The following FBN1 variants were observed in gnomAD, a reference collection of about 807,000 sequenced individuals.
FBN1 encodes the protein fibrillin 1.
Under a neutral mutation model 365.1 loss-of-function variants are expected in FBN1, and 29 were observed. The ratio of observed to expected loss-of-function variants is 0.08; its 90% CI spans 0.06 to 0.11. The LOEUF is 0.11. Among genes scored for constraint, FBN1 ranks in the 10% least tolerant of loss-of-function variants. The pLI is 1.00. For synonymous variants in FBN1, 1,210 were observed against 1,270.5 expected, an observed-to-expected ratio of 0.95 and a Z score of 1.01; for missense variants, 2,476 against 3,703.2, an observed-to-expected ratio of 0.67 and a Z score of 8.60.
At chr15:48,428,943 T>C (rs1343734693) in intron 56 of FBN1, among the ~76,000 whole-genome samples, 1 of 152,202 alleles carries the variant, frequency 6.6e-6, no homozygotes, top group Non-Finnish European at 1.5e-5. Flanking sequence ...AAGCAACCAA[T>C]TCTGGGGCCG....
chr15:48,551,713 C>G (rs2141373836), intron 6 of FBN1, among the ~76,000 whole-genome samples: 1 of 152,212 alleles, frequency 6.6e-6, no homozygotes, highest in South Asian at 2.1e-4. Context: ...CTATTCTCCT[C>G]TATGCGTCCA....
chr15:48,535,416 A>G (rs568322530), intron 7 of FBN1, among the ~76,000 whole-genome samples: 1 of 152,348 alleles, frequency 6.6e-6, no homozygotes, highest in East Asian at 1.9e-4. Flanking sequence ...GTAAGCCCAA[A>G]TATTAACCTT....
intron 29 of FBN1, 150 bp from the exon 30 acceptor site, chr15:48,485,646 A>G: frequency 1.2e-6 from 1 of 838,556 alleles, no homozygotes; most frequent in South Asian, 1.5e-5. Flanking sequence ...CTCTACCCTC[A>G]TGGTGGGATC....
intron 6 of FBN1, among the ~76,000 whole-genome samples, chr15:48,543,428 C>A (rs777209821): frequency 1.3e-5 from 2 of 152,124 alleles, no homozygotes; most frequent in Admixed American, 1.3e-4. Context: ...TCACGGAGAT[C>A]GTCTGAAATT....
chr15:48,641,740 A>G (rs1207111164), intron 2 of FBN1: 1 of 152,214 alleles, frequency 6.6e-6, no homozygotes. Context: ...TAACAGACAA[A>G]AACAGAAATT....
chr15:48,444,755 A>C, intron 48 of FBN1, 95 bp from the exon 49 acceptor site: 2 of 1,346,210 alleles, frequency 1.5e-6, no homozygotes, highest in East Asian at 2.3e-5. Context: ...AATCAAAGAA[A>C]TACATAAAGC....
chr15:48,524,061 G>C (rs1223084937), intron 9 of FBN1, among the ~76,000 whole-genome samples: 4 of 152,182 alleles, frequency 2.6e-5, no homozygotes, highest in Non-Finnish European at 5.9e-5. Context: ...TGTACAACCA[G>C]GAGTTAGGAG....
At chr15:48,476,066 C>A (rs1186177520) in intron 32 of FBN1, among the ~76,000 whole-genome samples, 3 of 152,174 alleles carry the variant, frequency 2.0e-5, no homozygotes, top group Non-Finnish European at 2.9e-5. Flanking sequence ...GAGCTTTAAC[C>A]AGCTAAATAA....
At chr15:48,485,125 T>C (rs2043494483) in intron 30 of FBN1, among the ~76,000 whole-genome samples, 1 of 152,248 alleles carries the variant, frequency 6.6e-6, no homozygotes, top group South Asian at 2.1e-4. Context: ...AAGGAAAATG[T>C]ATTTTATATT....
chr15:48,408,918 G>A lies in FBN1; in HGVS notation c.*2072C>T, dbSNP rs977182970. 6.6e-6 allele frequency: 1 copy of A among 152,236 alleles called. No homozygotes were observed. The highest frequency in any genetic ancestry group is 1.5e-5 in the Non-Finnish European group (1 of 68,026). The allele number at this position is 152,236 out of a possible 1,614,324, so 9.4% of individuals were successfully genotyped here. On this transcript the variant is annotated 3_prime_UTR_variant, in exon 66 of 66. Coordinates refer to ENST00000316623, the MANE Select transcript of FBN1 (RefSeq NM_000138.5). ...CAAAGACATTTTCCATATGCAAACTGTTGTTTACCATATGCTATATATTCT... is the reference window on the plus strand; with the variant it reads ...CAAAGACATTTTCCATATGCAAACTATTGTTTACCATATGCTATATATTCT...
intron 1 of FBN1, among the ~76,000 whole-genome samples, 153 bp from the exon 2 acceptor site, chr15:48,645,103 G>A (rs1890274442): frequency 6.6e-6 from 1 of 152,256 alleles, no homozygotes; most frequent in African/African-American, 2.4e-5. Context: ...TCCACAGCTG[G>A]CTGGAAAGCC....
rs1329093781 is a variant in FBN1 at position 48,645,683 on chromosome 15, T to G, written c.-290A>C. On this transcript the variant is annotated 5_prime_UTR_variant, in exon 1 of 66. Coordinates refer to ENST00000316623, the MANE Select transcript of FBN1 (RefSeq NM_000138.5). ...TCGCAGCTGTCCCAGCTGTGGCTCC[T>G]GTCCGCTTGTGGCACCCACAGTCTC... is the stretch of plus-strand genomic sequence containing the variant. The G allele has an allele frequency of 6.6e-6, 1 of 152,478 alleles. No homozygotes were observed. 9.4% of individuals were successfully genotyped at this position (152,478 alleles called of 1,614,324 possible).
intron 4 of FBN1, among the ~76,000 whole-genome samples, chr15:48,606,136 T>A (rs1295782063): frequency 6.6e-6 from 1 of 152,018 alleles, no homozygotes; most frequent in African/African-American, 2.4e-5. Flanking sequence ...GAATGCAAAA[T>A]GGTACATACG....
chr15:48,514,398 G>A (rs976021891), intron 12 of FBN1, among the ~76,000 whole-genome samples: 1 of 152,114 alleles, frequency 6.6e-6, no homozygotes, highest in Non-Finnish European at 1.5e-5. Flanking sequence ...CCTCTAGAAG[G>A]GGTGTTCATA....
intron 6 of FBN1, among the ~76,000 whole-genome samples, chr15:48,577,880 T>C (rs1402320422): frequency 1.3e-5 from 2 of 152,212 alleles, no homozygotes; most frequent in Non-Finnish European, 2.9e-5. Flanking sequence ...AAGATTAATA[T>C]ATTTGTAACA....
chr15:48,645,151 GCCT>G (rs1890276602), intron 1 of FBN1, among the ~76,000 whole-genome samples: 1 of 152,220 alleles, frequency 6.6e-6, no homozygotes, highest in African/African-American at 2.4e-5. Flanking sequence ...CGATCCCTCG[GCCT>G]CCCGGGCCCC....
At chr15:48,630,908 T>C (rs1368713944) in intron 2 of FBN1, among the ~76,000 whole-genome samples, 1 of 152,204 alleles carries the variant, frequency 6.6e-6, no homozygotes, top group Non-Finnish European at 1.5e-5. Flanking sequence ...AAAGTAACTA[T>C]TATCTGTTCA....
chr15:48,485,532 G>T, intron 29 of FBN1, 36 bp from the exon 30 acceptor site: 2 of 1,610,534 alleles, frequency 1.2e-6, no homozygotes, highest in South Asian at 1.1e-5. Flanking sequence ...CTTCTGATAT[G>T]GTTTGGATGT....
intron 44 of FBN1, among the ~76,000 whole-genome samples, chr15:48,456,335 A>G (rs1167249106): frequency 6.6e-6 from 1 of 152,228 alleles, no homozygotes; most frequent in Non-Finnish European, 1.5e-5. Flanking sequence ...ATGTGAAACG[A>G]AAGCAATCTA....
Sources: gnomAD v4.1 joint callset for allele counts (sites outside exome capture counted in the v4.1 genomes callset) on GRCh38, gnomAD v4.1.1 for gene constraint, MANE v1.5 for transcripts, NCBI Gene and HGNC (gene_info 2026-07-23, HGNC 2026-07-21) for gene names.